Variants in ANKRD11 observed in about 807,000 individuals in gnomAD.
ANKRD11 encodes ankyrin repeat domain-containing protein 11.
ANKRD11 carries 17 observed loss-of-function variants against 195.7 expected under a neutral mutation model. The observed-to-expected ratio is 0.09, with a 90% confidence interval of 0.06 to 0.13. The LOEUF is 0.13. Ranked by LOEUF, ANKRD11 falls within the 10% of genes least tolerant of loss-of-function variation. ANKRD11 has a pLI of 1.00. For synonymous variants in ANKRD11, 1,953 were observed against 1,528.1 expected (o/e 1.28, Z -6.49); for missense variants, 3,735 against 3,566.1 (o/e 1.05, Z -1.21).
chr16:89,298,508 C>T (rs2035598032), intron 4 of ANKRD11, among the ~76,000 whole-genome samples: 1 of 152,240 alleles, frequency 6.6e-6, no homozygotes, highest in African/African-American at 2.4e-5. Flanking sequence ...AGTCCCACAG[C>T]ATGGAGCCAG....
chr16:89,373,627 T>C (rs1226924785), intron 2 of ANKRD11: 1 of 152,208 alleles, frequency 6.6e-6, no homozygotes, highest in Non-Finnish European at 1.5e-5. Flanking sequence ...GAAGTTCACA[T>C]TCCCACGAGC....
Position 89,279,459 on chromosome 16 carries a change from G to A in ANKRD11, c.7083C>T (p.Pro2361=), listed in dbSNP as rs1466951846. 22 of 1,448,942 alleles carry A rather than the reference G, an allele frequency of 1.5e-5. No homozygotes were observed. Among genetic ancestry groups the A allele is most frequent in the Non-Finnish European group, 2.0e-5 (21 of 1,074,162 alleles). 89.8% of individuals were successfully genotyped at this position (1,448,942 alleles called of 1,614,324 possible). ...GPPPSEKECA[P]TPAPVTRAKA... ...TGGCCCTGGTGACCGGGGCAGGGGT[G>A]GGGGCGCACTCCTTCTCGGAGGGGG... is the stretch of plus-strand genomic sequence containing the variant. The change falls in exon 9 of 13, where the codon CCC becomes CCT. Residue 2361 remains proline (P), a synonymous_variant. Transcript: ENST00000301030. This position sits in a 1 kb window ranked among gnomAD's most constrained non-coding sequence, Gnocchi z 5.6.
At chr16:89,384,027 C>T (rs965414234) in intron 2 of ANKRD11, among the ~76,000 whole-genome samples, 14 of 152,146 alleles carry the variant, frequency 9.2e-5, no homozygotes, top group Admixed American at 1.3e-4. Context: ...CAAGACCAGC[C>T]TGGCCAACAT....
chr16:89,376,861 T>C (rs1444621387), intron 2 of ANKRD11, among the ~76,000 whole-genome samples: 1 of 152,232 alleles, frequency 6.6e-6, no homozygotes, highest in Non-Finnish European at 1.5e-5. Context: ...AGGGATAAGC[T>C]AATGCTACTG....
chr16:89,353,571 G>C (rs544983627), intron 2 of ANKRD11, among the ~76,000 whole-genome samples: 1 of 151,736 alleles, frequency 6.6e-6, no homozygotes, highest in African/African-American at 2.4e-5. Flanking sequence ...TCCGCCTTCC[G>C]GGTTCAAGCA....
At chr16:89,474,071 A>G (rs2057177542) in intron 1 of ANKRD11, among the ~76,000 whole-genome samples, 1 of 152,226 alleles carries the variant, frequency 6.6e-6, no homozygotes, top group South Asian at 2.1e-4. Context: ...CTCAAGGGAC[A>G]GTCAACAAGA....
Position 89,268,460 on chromosome 16 carries a change from T to TGCGGCCGTCCC in ANKRD11, c.*7_*17dup, listed in dbSNP as rs2032823957. 1 of 1,142,928 alleles carries TGCGGCCGTCCC rather than the reference T, an allele frequency of 8.7e-7. No homozygotes were observed. The highest frequency in any genetic ancestry group is 1.2e-6 in the Non-Finnish European group (1 of 804,614). The allele number at this position is 1,142,928 out of a possible 1,614,324, so 70.8% of individuals were successfully genotyped here. ...AGCCGTGCGGCCCTCGCCTGCGTCC[T>TGCGGCCGTCCC]GCGGCCGTCCCGCGGTGTCATGCCG... On this transcript the variant is annotated 3_prime_UTR_variant, in exon 13 of 13. Coordinates refer to ENST00000301030, the MANE Select transcript of ANKRD11 (RefSeq NM_013275.6).
chr16:89,447,592 G>T (rs1013344033), intron 1 of ANKRD11, among the ~76,000 whole-genome samples: 1 of 151,882 alleles, frequency 6.6e-6, no homozygotes, highest in Non-Finnish European at 1.5e-5. Flanking sequence ...TCCACTCTTG[G>T]CCTCGTACCC....
chr16:89,288,106 CTA>C, intron 7 of ANKRD11: 1 of 587,694 alleles, frequency 1.7e-6, no homozygotes, highest in Non-Finnish European at 3.0e-6. Context: ...AAGCTTGAGT[CTA>C]TGGTTCTGTG....
At chr16:89,393,669 G>T (rs879483938) in intron 2 of ANKRD11, among the ~76,000 whole-genome samples, 9 of 151,884 alleles carry the variant, frequency 5.9e-5, no homozygotes, top group Non-Finnish European at 1.3e-4. Context: ...GAGTAATCAC[G>T]TCCACCTCAG....
At chr16:89,373,916 C>T (rs945471523) in intron 2 of ANKRD11, among the ~76,000 whole-genome samples, 5 of 152,208 alleles carry the variant, frequency 3.3e-5, no homozygotes, top group African/African-American at 7.2e-5. Context: ...GCGGTCCACA[C>T]GGGACAGGGT....
intron 1 of ANKRD11, among the ~76,000 whole-genome samples, chr16:89,477,546 A>G (rs982928042): frequency 2.6e-5 from 4 of 151,802 alleles, no homozygotes; most frequent in Non-Finnish European, 4.4e-5. Context: ...TAGAAGAGAC[A>G]GGGTTTCACC....
At chr16:89,312,633 G>C (rs1040199249) in intron 3 of ANKRD11, among the ~76,000 whole-genome samples, 1 of 43,840 alleles carries the variant, frequency 2.3e-5, no homozygotes, top group Non-Finnish European at 5.8e-5. Flanking sequence ...CCCTCTCCAC[G>C]AGCCCATGTG....
chr16:89,417,534 G>T (rs1355780944), intron 2 of ANKRD11, among the ~76,000 whole-genome samples: 1 of 152,094 alleles, frequency 6.6e-6, no homozygotes, highest in Non-Finnish European at 1.5e-5. Flanking sequence ...CAAAAAACAT[G>T]CCAGTGACTC....
Position 89,283,572 on chromosome 16 carries a change from G to A in ANKRD11, c.2970C>T (p.Asp990=), listed in dbSNP as rs200883649. 1.9e-5 allele frequency: 30 copies of A among 1,610,756 alleles called. No homozygotes were observed. In the African/African-American group the frequency reaches 3.2e-4, roughly 17 times the overall value. ...GCTCCAGGCCCTTCCCAAAGTCGCC[G>A]TCGGACTTGTCCTTGAAGCCACTCT... ...GCESGFKDKS[D]GDFGKGLEPW... is the part of the protein sequence containing the mutation. Residue 990 remains aspartate, a synonymous_variant, in exon 9 of 13, where the codon GAC becomes GAT. Transcript: ENST00000301030. The surrounding 1 kb of genome is among the most constrained non-coding windows in gnomAD (Gnocchi z 4.3).
intron 3 of ANKRD11, among the ~76,000 whole-genome samples, chr16:89,308,412 CTG>C (rs1345989879): frequency 2.0e-5 from 3 of 152,250 alleles, no homozygotes; most frequent in East Asian, 3.8e-4. Context: ...AGAAGGAACA[CTG>C]TCCCCAGGTC....
chr16:89,468,733 T>C (rs1049544956), intron 1 of ANKRD11, among the ~76,000 whole-genome samples: 8 of 151,810 alleles, frequency 5.3e-5, no homozygotes, highest in African/African-American at 1.9e-4. Context: ...GAAGCAAAAG[T>C]GAAGCCATGT....
At chr16:89,425,006 G>C (rs1290628649) in intron 1 of ANKRD11, among the ~76,000 whole-genome samples, 4 of 151,740 alleles carry the variant, frequency 2.6e-5, no homozygotes, top group Admixed American at 1.3e-4. Context: ...ACCATTCGAA[G>C]AGAGGAGGAG....
Position 89,396,301 on chromosome 16 carries a change from C to T in ANKRD11, c.-60+21983G>A, listed in dbSNP as rs546161223. On this transcript the variant is annotated intron_variant, in intron 2 of 12. Coordinates refer to ENST00000301030, the MANE Select transcript of ANKRD11 (RefSeq NM_013275.6). ...CGGGCACCCAATCGGCCCTTGGGTG[C>T]ACACTGTGTGCTGACCTGGGTCACC... is the stretch of plus-strand genomic sequence containing the variant. Among the ~76,000 whole-genome samples the T allele has an allele frequency of 9.4e-4, 143 of 152,148 alleles. 2 individuals carry two copies. Among genetic ancestry groups the T allele is most frequent in the Non-Finnish European group, 2.9e-5 (2 of 68,030 alleles).
Sources: gnomAD v4.1 joint callset for allele counts (sites outside exome capture counted in the v4.1 genomes callset) on GRCh38, gnomAD v4.1.1 for gene constraint, Gnocchi (gnomAD v3.1) non-coding constraint, MANE v1.5 for transcripts, NCBI Gene and HGNC (gene_info 2026-07-23, HGNC 2026-07-21) for gene names.